The following CREG2 variants were observed in gnomAD, a reference collection of about 807,000 sequenced individuals.
CREG2 encodes the protein cellular repressor of E1A stimulated genes 2.
In CREG2, 24 loss-of-function variants were observed where a neutral mutation model predicts 26.2. That is an observed-to-expected ratio of 0.92 (90% confidence interval 0.66 to 1.29). The LOEUF is 1.29. Ranked by LOEUF, CREG2 falls within the 50% of genes most tolerant of loss-of-function variation. CREG2 has a pLI of 0.00. For missense variants in CREG2, 366 were observed against 398.6 expected (o/e 0.92, Z 0.70); for synonymous variants, 174 against 169.2 (o/e 1.03, Z -0.22).
intron 2 of CREG2, among the ~76,000 whole-genome samples, chr2:101,359,074 A>T (rs138103186): frequency 1.7e-4 from 2 of 11,462 alleles, no homozygotes; most frequent in Admixed American, 9.2e-4. Flanking sequence ...AAAAAAAAAG[A>T]GAGAACTGAG....
chr2:101,383,980 T>C (rs944141830), intron 1 of CREG2, among the ~76,000 whole-genome samples: 23 of 152,224 alleles, frequency 1.5e-4, no homozygotes, highest in African/African-American at 4.8e-4. Flanking sequence ...TGCCTGTGCA[T>C]GGCAGATATA....
intron 2 of CREG2, among the ~76,000 whole-genome samples, chr2:101,356,338 G>A (rs1684459445): frequency 6.6e-6 from 1 of 152,166 alleles, no homozygotes; most frequent in Non-Finnish European, 1.5e-5. Flanking sequence ...AGGGCTGCCG[G>A]TCCAGGCTTG....
chr2:101,360,642 A>T (rs2104473546), intron 2 of CREG2, among the ~76,000 whole-genome samples: 1 of 152,072 alleles, frequency 6.6e-6, no homozygotes, highest in East Asian at 1.9e-4. Context: ...GGAGGCTGAG[A>T]CATGAGAATA....
chr2:101,356,204 C>G (rs900969267), intron 2 of CREG2, among the ~76,000 whole-genome samples: 2 of 152,188 alleles, frequency 1.3e-5, no homozygotes, highest in African/African-American at 2.4e-5. Flanking sequence ...CTTCGCCTCT[C>G]GAAGTCCAGC....
intron 2 of CREG2, among the ~76,000 whole-genome samples, chr2:101,355,684 G>A (rs1026854408): frequency 2.7e-4 from 41 of 151,362 alleles, no homozygotes; most frequent in African/African-American, 9.0e-4. Context: ...TGACCCCCTC[G>A]AGGGACTTGC....
rs1463469067 is a variant in CREG2 at position 101,387,349 on chromosome 2, A to T, written c.109T>A (p.Ser37Thr). The T allele has an allele frequency of 3.4e-6, 5 of 1,462,184 alleles. No homozygotes were observed. The highest frequency in any genetic ancestry group is 4.6e-6 in the Non-Finnish European group (5 of 1,095,870). The allele number at this position is 1,462,184 out of a possible 1,614,324, so 90.6% of individuals were successfully genotyped here. A position where few individuals can be genotyped will look rare whatever the true frequency, so the allele number is the denominator to read the frequency against. ...SPAAGYVIVS[S>T]VSWAVTNEVD... ...TCGTTGGTGACGGCCCAAGACACGG[A>T]GCTCACGATCACGTAGCCCGCGGCC... is the stretch of plus-strand genomic sequence containing the variant. The change falls in exon 1 of 4, where the codon TCC (serine) becomes ACC (threonine). Residue 37 changes from serine (S) to threonine (T), a missense_variant. Around this residue, in one of 3 missense-constraint regions of CREG2, gnomAD observed 177 missense variants for 183.3 expected, o/e 0.97. Coordinates refer to ENST00000324768, the MANE Select transcript of CREG2 (RefSeq NM_153836.4). This position sits in a 1 kb window ranked among gnomAD's most constrained non-coding sequence, Gnocchi z 4.7.
intron 2 of CREG2, among the ~76,000 whole-genome samples, chr2:101,357,729 G>T (rs887433828): frequency 1.3e-5 from 2 of 151,946 alleles, no homozygotes; most frequent in African/African-American, 4.8e-5. Context: ...ATTAACCCCT[G>T]TTTAGAAGTA....
intron 2 of CREG2, among the ~76,000 whole-genome samples, chr2:101,365,381 T>C (rs531093616): frequency 2.6e-5 from 4 of 152,062 alleles, no homozygotes; most frequent in South Asian, 4.2e-4. Context: ...GTGAGCAAGG[T>C]TGGGGAGGCG....
chr2:101,352,906 C>A (rs1026192245), intron 3 of CREG2, among the ~76,000 whole-genome samples: 1 of 151,960 alleles, frequency 6.6e-6, no homozygotes, highest in Non-Finnish European at 1.5e-5. Context: ...AATATGATTA[C>A]GCCACTGCAC....
In CREG2 at chr2:101,377,641, G is replaced by A. The variant is rs986927458; in HGVS notation, c.611+5892C>T. Among the ~76,000 whole-genome samples, 18 of 152,270 alleles carry A rather than the reference G, an allele frequency of 1.2e-4. 1 individual carries two copies. The South Asian group carries it at 1.2e-3, about 11-fold the overall frequency. On this transcript the variant is annotated intron_variant, in intron 2 of 3. Transcript: ENST00000324768. ...GAGAGGGAAATAAAGAGGAGAGGGC[G>A]TTGCTGATTGCAAGTGACTCTTTTA...
rs947245699 is a variant in CREG2, at chr2:101,387,438, C to G, written c.20G>C (p.Arg7Pro). The G allele has an allele frequency of 2.4e-6, 3 of 1,240,464 alleles. No homozygotes were observed. Among genetic ancestry groups the G allele is most frequent in the African/African-American group, 1.6e-5 (1 of 63,486 alleles). The allele number at this position is 1,240,464 out of a possible 1,614,324, so 76.8% of individuals were successfully genotyped here. A position where few individuals can be genotyped will look rare whatever the true frequency, so the allele number is the denominator to read the frequency against. ...GCGGGTCCCCGGCCGCGCCGGCCGCCGGCCGCGGCGCACGGACATCTTGCA... is the reference window on the plus strand; with the variant it reads ...GCGGGTCCCCGGCCGCGCCGGCCGCGGGCCGCGGCGCACGGACATCTTGCA... MSVRRG[R>P]RPARPGTRLS... is the part of the protein sequence containing the mutation. Residue 7 changes from arginine to proline, a missense_variant, in exon 1 of 4, where the codon CGG becomes CCG. Arg to Pro is a moderately radical substitution (Grantham distance 103). This residue lies in a region of CREG2 where 177 missense variants were observed against 183.3 expected (regional missense o/e 0.97). Coordinates refer to ENST00000324768, the MANE Select transcript of CREG2 (RefSeq NM_153836.4). This position sits in a 1 kb window ranked among gnomAD's most constrained non-coding sequence, Gnocchi z 4.7.
At chr2:101,383,812 A>T in intron 1 of CREG2, 110 bp from the exon 2 acceptor site, 3 of 1,007,488 alleles carry the variant, frequency 3.0e-6, no homozygotes, top group Non-Finnish European at 4.4e-6. Context: ...ATGAGGGGGG[A>T]TCATGGCATC....
chr2:101,357,155 G>A (rs1051277161), intron 2 of CREG2, among the ~76,000 whole-genome samples: 2 of 152,170 alleles, frequency 1.3e-5, no homozygotes, highest in Admixed American at 6.5e-5. Context: ...CCAAAGTGCT[G>A]GGATTACAGG....
chr2:101,357,973 T>C (rs111932532), intron 2 of CREG2, among the ~76,000 whole-genome samples: 1 of 70,892 alleles, frequency 1.4e-5, no homozygotes, highest in Admixed American at 1.5e-4. Context: ...CGAGACTCCG[T>C]CTCAAAAAAA....
At chr2:101,379,929 T>C (rs1421179098) in intron 2 of CREG2, among the ~76,000 whole-genome samples, 1 of 152,182 alleles carries the variant, frequency 6.6e-6, no homozygotes. Flanking sequence ...AACTGTAATA[T>C]TCGCTCTTTT....
chr2:101,379,017 G>A (rs1034054088), intron 2 of CREG2, among the ~76,000 whole-genome samples: 1 of 149,492 alleles, frequency 6.7e-6, no homozygotes, highest in Admixed American at 6.6e-5. Flanking sequence ...AAAAAAAAAA[G>A]AAAAAAGAAA....
intron 1 of CREG2, among the ~76,000 whole-genome samples, chr2:101,386,738 C>T (rs1342279720): frequency 1.3e-5 from 2 of 152,282 alleles, no homozygotes; most frequent in African/African-American, 4.8e-5. Flanking sequence ...GTGTCCCTCT[C>T]TCTGCCTGGC....
At chr2:101,375,261 T>A in intron 2 of CREG2, among the ~76,000 whole-genome samples, 1 of 152,188 alleles carries the variant, frequency 6.6e-6, no homozygotes, top group East Asian at 1.9e-4. Flanking sequence ...TGAGGCCCAC[T>A]GGGCTTCAAT....
intron 2 of CREG2, chr2:101,382,168 C>A (rs1684885212): frequency 6.6e-6 from 1 of 152,166 alleles, no homozygotes; most frequent in African/African-American, 2.4e-5. Context: ...AGAAAGGTAT[C>A]CTGGATTGGA....
Sources: allele counts gnomAD v4.1 joint callset (sites outside exome capture counted in the v4.1 genomes callset), GRCh38; gene constraint gnomAD v4.1.1; regional missense constraint gnomAD v4.1.1; non-coding constraint Gnocchi (gnomAD v3.1); transcripts MANE v1.5; gene names NCBI Gene and HGNC (gene_info 2026-07-23, HGNC 2026-07-21).